The following PAN3 variants were observed in gnomAD, a reference collection of about 807,000 sequenced individuals.
The protein encoded by PAN3 is PAN2-PAN3 deadenylation complex subunit PAN3.
PAN3 carries 19 observed loss-of-function variants against 96.2 expected under a neutral mutation model. That is an observed-to-expected ratio of 0.20 (90% CI 0.14 to 0.29). The LOEUF is 0.29. Ranked by LOEUF, PAN3 falls within the 10% of genes least tolerant of loss-of-function variation. The probability of loss-of-function intolerance (pLI) is 1.00; values close to 1 mark genes in which losing one functional copy is unlikely to be tolerated. For missense variants in PAN3, 882 were observed against 1,108.1 expected, an observed-to-expected ratio of 0.80 and a Z score of 2.90; for synonymous variants, 433 against 406.6, an observed-to-expected ratio of 1.06 and a Z score of -0.78.
chr13:28,230,730 A>G (rs1242815981), intron 6 of PAN3, among the ~76,000 whole-genome samples: 1 of 152,168 alleles, frequency 6.6e-6, no homozygotes, highest in African/African-American at 2.4e-5. Flanking sequence ...ATTGTTAACT[A>G]AATCTTACTT....
At chr13:28,139,271 C>T (rs888230165) in intron 1 of PAN3, among the ~76,000 whole-genome samples, 184 bp downstream of exon 1, 3 of 151,378 alleles carry the variant, frequency 2.0e-5, no homozygotes, top group Admixed American at 6.6e-5. Flanking sequence ...CTCCCCACTG[C>T]CTTCGGCAAG....
chr13:28,270,924 G>GT, intron 13 of PAN3, 58 bp downstream of exon 13: 1 of 1,474,090 alleles, frequency 6.8e-7, no homozygotes, highest in Non-Finnish European at 9.3e-7. Context: ...TGACAGCTTA[G>GT]TAAACAAAAC....
intron 5 of PAN3, among the ~76,000 whole-genome samples, chr13:28,207,089 A>C (rs1174254874): frequency 6.6e-6 from 1 of 152,224 alleles, no homozygotes; most frequent in Admixed American, 6.5e-5. Flanking sequence ...ATGAATAAAA[A>C]ATAAAATGAA....
chr13:28,235,716 CACACACAT>C (rs1365071164), intron 6 of PAN3, among the ~76,000 whole-genome samples: 3 of 150,540 alleles, frequency 2.0e-5, no homozygotes, highest in African/African-American at 4.9e-5. Context: ...CACACACACA[CACACACAT>C]ATATATATAT....
chr13:28,288,700 G>T (rs989749361), intron 18 of PAN3, among the ~76,000 whole-genome samples: 1 of 151,914 alleles, frequency 6.6e-6, no homozygotes, highest in Admixed American at 6.6e-5. Flanking sequence ...ATGTGGTTTT[G>T]TTATGCCGCT....
intron 4 of PAN3, among the ~76,000 whole-genome samples, chr13:28,187,671 T>C (rs1434054701): frequency 6.6e-6 from 1 of 152,248 alleles, no homozygotes; most frequent in Non-Finnish European, 1.5e-5. Context: ...TATGTGTTTA[T>C]ACATGTAAAT....
intron 5 of PAN3, among the ~76,000 whole-genome samples, chr13:28,199,607 CTG>C (rs1228257812): frequency 6.6e-6 from 1 of 152,078 alleles, no homozygotes; most frequent in Non-Finnish European, 1.5e-5. Context: ...CTATTACTGT[CTG>C]TGTAGATTCC....
Position 28,158,652 on chromosome 13 carries a change from G to A in PAN3, c.431-15620G>A, listed in dbSNP as rs182820210. ...CAGCACTTTGGGAGGCTGGAGGCAG[G>A]TGGATCACGAGGTCAGGAGATCAAG... On this transcript the variant is annotated intron_variant, in intron 1 of 18. Transcript: ENST00000380958. Among the ~76,000 whole-genome samples the A allele has an allele frequency of 2.4e-3, 361 of 152,266 alleles. 1 individual carries two copies. The highest frequency in any genetic ancestry group is 4.0e-3 in the Admixed American group (61 of 15,294).
intron 17 of PAN3, among the ~76,000 whole-genome samples, chr13:28,281,810 C>T (rs111647158): frequency 1.5e-3 from 216 of 146,788 alleles, no homozygotes; most frequent in African/African-American, 5.1e-3. Flanking sequence ...CTCCCTCTGT[C>T]GCCAGGCTGG....
At chr13:28,225,377 A>G (rs1881887121) in intron 6 of PAN3, among the ~76,000 whole-genome samples, 1 of 152,228 alleles carries the variant, frequency 6.6e-6, no homozygotes, top group Non-Finnish European at 1.5e-5. Flanking sequence ...CTGTGCCAAA[A>G]AACAAAATTC....
At chr13:28,287,116 A>G (rs1280035795) in intron 17 of PAN3, among the ~76,000 whole-genome samples, 1 of 152,044 alleles carries the variant, frequency 6.6e-6, no homozygotes, top group African/African-American at 2.4e-5. Context: ...AGTTTCTTCA[A>G]TGTCCATGCA....
intron 6 of PAN3, among the ~76,000 whole-genome samples, chr13:28,249,257 C>T (rs1050626440): frequency 1.3e-5 from 2 of 152,020 alleles, no homozygotes; most frequent in Non-Finnish European, 2.9e-5. Context: ...CCTATGTTTT[C>T]TTTGTTGTAT....
intron 17 of PAN3, among the ~76,000 whole-genome samples, chr13:28,282,458 A>G (rs1045342600): frequency 1.3e-5 from 2 of 152,224 alleles, no homozygotes; most frequent in Admixed American, 6.5e-5. Context: ...TATATGTTAA[A>G]CCATTTTTAA....
intron 5 of PAN3, among the ~76,000 whole-genome samples, chr13:28,209,098 T>A (rs965288385): frequency 6.6e-6 from 1 of 152,258 alleles, no homozygotes; most frequent in South Asian, 2.1e-4. Flanking sequence ...ATAGTTGCTA[T>A]ACTGTATTGT....
At chr13:28,285,446 G>C (rs947809411) in intron 17 of PAN3, among the ~76,000 whole-genome samples, 1 of 152,000 alleles carries the variant, frequency 6.6e-6, no homozygotes, top group Non-Finnish European at 1.5e-5. Context: ...TTGTTTGTTT[G>C]TTTGTTTGTT....
intron 1 of PAN3, among the ~76,000 whole-genome samples, chr13:28,168,399 C>T (rs920430886): frequency 6.6e-6 from 1 of 152,110 alleles, no homozygotes; most frequent in Non-Finnish European, 1.5e-5. Context: ...ACCTTTAATA[C>T]AGATGGCAAT....
intron 1 of PAN3, among the ~76,000 whole-genome samples, chr13:28,172,811 C>T (rs1003165263): frequency 6.6e-6 from 1 of 152,130 alleles, no homozygotes; most frequent in African/African-American, 2.4e-5. Context: ...AATCCCAACA[C>T]TTATAGAGGC....
At chr13:28,202,967 A>AT (rs574577702) in intron 5 of PAN3, among the ~76,000 whole-genome samples, 3 of 150,974 alleles carry the variant, frequency 2.0e-5, no homozygotes, top group Admixed American at 6.6e-5. Context: ...TTCTTTCTTA[A>AT]TTTTTTTTCC....
At chr13:28,175,248 C>T (rs1874816511) in intron 2 of PAN3, among the ~76,000 whole-genome samples, 1 of 152,130 alleles carries the variant, frequency 6.6e-6, no homozygotes, top group Admixed American at 6.6e-5. Context: ...ACGTTTCTCT[C>T]CCTCTCTCTC....
Sources: allele counts gnomAD v4.1 joint callset (sites outside exome capture counted in the v4.1 genomes callset), GRCh38; gene constraint gnomAD v4.1.1; transcripts MANE v1.5; gene names NCBI Gene and HGNC (gene_info 2026-07-23, HGNC 2026-07-21).